The following RORA variants were observed in gnomAD, a reference collection of about 807,000 sequenced individuals.
RORA encodes the protein RAR related orphan receptor A.
Under a neutral mutation model 69.5 loss-of-function variants are expected in RORA, and 7 were observed. That is an observed-to-expected ratio of 0.10 (90% CI 0.06 to 0.19). The LOEUF (loss-of-function observed/expected upper bound fraction) is 0.19. Among genes scored for constraint, RORA ranks in the 10% least tolerant of loss-of-function variants. The pLI, the probability that RORA is intolerant of heterozygous loss-of-function variation, is 1.00. For synonymous variants in RORA, 261 were observed against 240.8 expected, an observed-to-expected ratio of 1.08 and a Z score of -0.78; for missense variants, 457 against 663.0, an observed-to-expected ratio of 0.69 and a Z score of 3.41.
intron 1 of RORA, among the ~76,000 whole-genome samples, chr15:60,800,238 T>A (rs868362743): frequency 6.6e-6 from 1 of 152,246 alleles, no homozygotes; most frequent in South Asian, 2.1e-4. Context: ...ATACAAATAC[T>A]TGTTAAATAA....
chr15:60,864,566 T>G (rs1015068251), intron 1 of RORA, among the ~76,000 whole-genome samples: 6 of 152,110 alleles, frequency 3.9e-5, no homozygotes, highest in African/African-American at 1.4e-4. Flanking sequence ...CCAGTAGAAG[T>G]TTCCATGTAG....
At chr15:60,627,394 T>A in intron 2 of RORA, 1 of 1,613,992 alleles carries the variant, frequency 6.2e-7, no homozygotes, top group Non-Finnish European at 8.5e-7. Flanking sequence ...TGGTTACCCA[T>A]CTGCCTCCAG....
intron 1 of RORA, among the ~76,000 whole-genome samples, chr15:60,915,403 C>A (rs939458027): frequency 1.3e-5 from 2 of 152,186 alleles, no homozygotes; most frequent in East Asian, 1.9e-4. Context: ...GGGGCACAGG[C>A]CCCAGTGCAG....
chr15:60,611,524 A>G (rs571624837), intron 2 of RORA, among the ~76,000 whole-genome samples: 2 of 139,312 alleles, frequency 1.4e-5, no homozygotes, highest in South Asian at 4.7e-4. Context: ...AGCAAAATCA[A>G]CATGTATCTT....
At chr15:60,502,986 T>C (rs2065378647) in intron 7 of RORA, 119 bp from the exon 8 acceptor site, 1 of 772,692 alleles carries the variant, frequency 1.3e-6, no homozygotes. Context: ...GTGTGCAGTT[T>C]AGCTAGCGGG....
At chr15:60,503,426 A>G in intron 7 of RORA, 109 bp downstream of exon 7, 1 of 1,050,748 alleles carries the variant, frequency 9.5e-7, no homozygotes, top group Non-Finnish European at 1.4e-6. Flanking sequence ...CTGAGCTATT[A>G]TCATTGGAGA....
In RORA at chr15:60,601,479, T is replaced by C. The variant is rs988809893; in HGVS notation, c.197-69628A>G. Among the ~76,000 whole-genome samples the C allele has an allele frequency of 3.9e-5, 6 of 152,282 alleles. No homozygotes were observed. In the East Asian group the frequency reaches 1.2e-3, roughly 29 times the overall value. On this transcript the variant is annotated intron_variant, in intron 2 of 10. Coordinates refer to ENST00000335670, the MANE Select transcript of RORA (RefSeq NM_134261.3). ...AACTCTAAATGTTGTTAATGGATGT[T>C]AGATAGGATTACAAGGAAACTAAAA...
chr15:60,520,292 CAG>C (rs905004870), intron 3 of RORA: 2 of 152,066 alleles, frequency 1.3e-5, no homozygotes, highest in African/African-American at 4.8e-5. Flanking sequence ...AAGGGAGAAA[CAG>C]GGTGAGTAAA....
intron 1 of RORA, among the ~76,000 whole-genome samples, chr15:60,753,476 T>C (rs1366581129): frequency 1.3e-5 from 2 of 152,246 alleles, no homozygotes; most frequent in Non-Finnish European, 2.9e-5. Flanking sequence ...ACAGCCAGTG[T>C]GCTCTGAGGG....
intron 1 of RORA, among the ~76,000 whole-genome samples, chr15:60,901,623 A>G (rs1891396234): frequency 1.3e-5 from 2 of 151,790 alleles, no homozygotes; most frequent in African/African-American, 4.8e-5. Flanking sequence ...AAGAATACAC[A>G]TAAACTAAAA....
intron 5 of RORA, among the ~76,000 whole-genome samples, chr15:60,509,646 T>C (rs1308798714): frequency 6.6e-6 from 1 of 152,156 alleles, no homozygotes; most frequent in African/African-American, 2.4e-5. Flanking sequence ...AAACCTAAAG[T>C]GAGTCAGGTC....
rs751911588 is a variant in RORA, at chr15:60,669,350, TG to T, written c.196+9306del. On this transcript the variant is annotated intron_variant, in intron 2 of 10. Coordinates refer to ENST00000335670, the MANE Select transcript of RORA (RefSeq NM_134261.3). ...CCCAATAAGCGTTTTTTTGTTTGTT[TG>T]TTTGTTTGTTTGTTTGTTTGTTTTT... Among the ~76,000 whole-genome samples the T allele has an allele frequency of 4.5e-3, 470 of 104,110 alleles. 1 individual carries two copies. The highest frequency in any genetic ancestry group is 0.02 in the Admixed American group (130 of 6,510). The allele number at this position is 104,110 out of a possible 152,430, so 68.3% of individuals were successfully genotyped here.
rs138792279 is a variant in RORA at position 60,938,087 on chromosome 15, T to C, written c.167-259401A>G. Among the ~76,000 whole-genome samples the C allele has an allele frequency of 2.3e-3, 347 of 152,248 alleles. 1 individual carries two copies. Among genetic ancestry groups the C allele is most frequent in the African/African-American group, 8.2e-3 (339 of 41,534 alleles). ...TAGGTTCAAGATAGGTTTTTCCAGC[T>C]TGTGTACACAAGCTAATGTTGCCCT... On this transcript the variant is annotated intron_variant, in intron 1 of 10. Coordinates refer to ENST00000335670, the MANE Select transcript of RORA (RefSeq NM_134261.3).
rs1001304689 is a variant in RORA, at chr15:60,680,324, C to T, written c.167-1638G>A. 1.1e-4 allele frequency among the ~76,000 whole-genome samples: 17 copies of T among 152,308 alleles called. 1 individual carries two copies. Among genetic ancestry groups the T allele is most frequent in the African/African-American group, 4.1e-4 (17 of 41,568 alleles). Reference sequence around the variant, plus strand: ...TGGATTTAATACAGCCCAAAACGACCTATCTATATTCGCTGAGTGTGGAAC... The same window carrying T: ...TGGATTTAATACAGCCCAAAACGACTTATCTATATTCGCTGAGTGTGGAAC... On this transcript the variant is annotated intron_variant, in intron 1 of 10. Transcript: ENST00000335670.
intron 1 of RORA, among the ~76,000 whole-genome samples, chr15:61,076,677 C>T (rs1275884448): frequency 6.6e-6 from 1 of 152,228 alleles, no homozygotes; most frequent in Non-Finnish European, 1.5e-5. Context: ...TGCCGTGGAT[C>T]ACTGTGCAGA....
chr15:60,842,170 G>A (rs1387145587), intron 1 of RORA, among the ~76,000 whole-genome samples: 3 of 151,890 alleles, frequency 2.0e-5, no homozygotes, highest in African/African-American at 4.8e-5. Flanking sequence ...CCCCAGGGCC[G>A]TCGTCCACTT....
At chr15:60,944,792 G>A (rs1892818068) in intron 1 of RORA, among the ~76,000 whole-genome samples, 1 of 151,450 alleles carries the variant, frequency 6.6e-6, no homozygotes, top group Non-Finnish European at 1.5e-5. Context: ...AATCGTCCCT[G>A]CAGAAGGATA....
chr15:61,082,029 A>G (rs1261422911), intron 1 of RORA, among the ~76,000 whole-genome samples: 5 of 152,276 alleles, frequency 3.3e-5, no homozygotes, highest in Admixed American at 2.0e-4. Context: ...TGGGGATACT[A>G]CACAGTCACC....
chr15:60,916,228 C>T (rs1377649939), intron 1 of RORA, among the ~76,000 whole-genome samples: 1 of 152,176 alleles, frequency 6.6e-6, no homozygotes, highest in African/African-American at 2.4e-5. Flanking sequence ...TATTCAGATT[C>T]CCTCCAATGC....
Sources: allele counts gnomAD v4.1 joint callset (sites outside exome capture counted in the v4.1 genomes callset), GRCh38; gene constraint gnomAD v4.1.1; transcripts MANE v1.5; gene names NCBI Gene and HGNC (gene_info 2026-07-23, HGNC 2026-07-21).